The following ZDHHC13 variants were observed in gnomAD, a reference collection of about 807,000 sequenced individuals.
ZDHHC13 encodes palmitoyltransferase ZDHHC13.
In ZDHHC13, 85 loss-of-function variants were observed where a neutral mutation model predicts 86.0. That is an observed-to-expected ratio of 0.99 (90% confidence interval 0.83 to 1.18). The LOEUF (loss-of-function observed/expected upper bound fraction) is 1.18. Among genes scored for constraint, ZDHHC13 ranks in the 50% most tolerant of loss-of-function variants. The pLI is 0.00. For missense variants in ZDHHC13, 711 were observed against 730.2 expected (o/e 0.97, Z 0.30); for synonymous variants, 263 against 246.4 (o/e 1.07, Z -0.63).
chr11:19,131,466 CTT>C (rs1035910291), intron 1 of ZDHHC13, among the ~76,000 whole-genome samples: 2 of 152,018 alleles, frequency 1.3e-5, no homozygotes, highest in African/African-American at 4.8e-5. Context: ...TTAAAAAAAA[CTT>C]TTTTCCTTGT....
chr11:19,175,782 A>G, intron 16 of ZDHHC13, 40 bp from the exon 17 acceptor site: 1 of 1,601,470 alleles, frequency 6.2e-7, no homozygotes, highest in Non-Finnish European at 8.5e-7. Flanking sequence ...CTACACAGGA[A>G]ATATAGTAAG....
intron 8 of ZDHHC13, 48 bp from the exon 9 acceptor site, chr11:19,155,748 T>A: frequency 6.3e-7 from 1 of 1,592,488 alleles, no homozygotes. Context: ...TATTAGATAC[T>A]TAAGAGGTAA....
At chr11:19,135,478 G>C (rs1849111814) in intron 1 of ZDHHC13, among the ~76,000 whole-genome samples, 1 of 152,234 alleles carries the variant, frequency 6.6e-6, no homozygotes, top group South Asian at 2.1e-4. Flanking sequence ...AAACTGCAAG[G>C]CGGCAGCGAG....
intron 1 of ZDHHC13, among the ~76,000 whole-genome samples, chr11:19,135,115 G>A (rs1223815226): frequency 2.6e-5 from 4 of 152,350 alleles, no homozygotes; most frequent in East Asian, 3.9e-4. Flanking sequence ...CTCCCAGCGC[G>A]AGCGACGCAG....
In ZDHHC13 at chr11:19,119,547, T is replaced by C. The variant is rs531207993; in HGVS notation, c.27+2271T>C. On this transcript the variant is annotated intron_variant, in intron 1 of 16. Coordinates refer to ENST00000446113, the MANE Select transcript of ZDHHC13 (RefSeq NM_019028.3). ...CACCTCTTTAAAGTCTTGACACAAA[T>C]GTCACCTCTGTGTGGCATTCTGTGA... 3.3e-5 allele frequency among the ~76,000 whole-genome samples: 5 copies of C among 152,350 alleles called. No homozygotes were observed. The East Asian group carries it at 9.6e-4, about 29-fold the overall frequency.
chr11:19,142,971 T>A lies in ZDHHC13; in HGVS notation c.28-7T>A, dbSNP rs1849362502. The stretch of plus-strand genomic sequence containing the variant: ...TCATGCTTTGTCAAATGACTCTTAC[T>A]CTTCAGTGCAGGAATCACAGCCATG... On this transcript the variant is annotated splice_region_variant and splice_polypyrimidine_tract_variant and intron_variant, in intron 1 of 16. Coordinates refer to ENST00000446113, the MANE Select transcript of ZDHHC13 (RefSeq NM_019028.3). 1 of 1,599,716 alleles carries A rather than the reference T, an allele frequency of 6.3e-7. No homozygotes were observed. Among genetic ancestry groups the A allele is most frequent in the Non-Finnish European group, 8.5e-7 (1 of 1,172,188 alleles).
Position 19,172,748 on chromosome 11 carries a change from ATGAGAGAATCAGC to A in ZDHHC13, c.1659_1671del (p.Glu554CysfsTer8). Reference sequence around the variant, plus strand: ...ATTGCCTTTCTGGGCCTGACCTCCCATGAGAGAATCAGCCTGCAGAAGCAGAGCAAGCATATGA... The same window carrying A: ...ATTGCCTTTCTGGGCCTGACCTCCCACTGCAGAAGCAGAGCAAGCATATGA... On this transcript the variant is annotated frameshift_variant, in exon 16 of 17. Transcript: ENST00000446113. LOFTEE classifies it high-confidence loss of function. The A allele has an allele frequency of 1.2e-6, 2 of 1,604,440 alleles. No homozygotes were observed. The highest frequency in any genetic ancestry group is 2.3e-5 in the South Asian group (2 of 88,776).
At position 19,149,402 on chromosome 11, in the gene ZDHHC13, G is replaced by C. The variant is rs960844417; in HGVS notation, c.519+71G>C. 1.5e-5 allele frequency: 21 copies of C among 1,355,610 alleles called. No individual in the cohort carries two copies. In the African/African-American group the frequency reaches 2.8e-4, roughly 18 times the overall value. 84.0% of individuals were successfully genotyped at this position (1,355,610 alleles called of 1,614,324 possible). On this transcript the variant is annotated intron_variant, in intron 5 of 16. Coordinates refer to ENST00000446113, the MANE Select transcript of ZDHHC13 (RefSeq NM_019028.3). Reference sequence around the variant, plus strand: ...GAGGTTGGGGAAATTATTAGTAGTAGTCTCTTCTCATTTTTAAAGTGGAGG... The same window carrying C: ...GAGGTTGGGGAAATTATTAGTAGTACTCTCTTCTCATTTTTAAAGTGGAGG...
chr11:19,165,369 A>T (rs563977360), intron 13 of ZDHHC13, among the ~76,000 whole-genome samples: 2 of 152,300 alleles, frequency 1.3e-5, no homozygotes, highest in Admixed American at 6.5e-5. Context: ...AAAAAATATT[A>T]TCTCCATATT....
At chr11:19,170,927 CTT>C (rs1318028582) in intron 15 of ZDHHC13, among the ~76,000 whole-genome samples, 3 of 152,138 alleles carry the variant, frequency 2.0e-5, no homozygotes, top group Non-Finnish European at 4.4e-5. Flanking sequence ...GAACTGGAAA[CTT>C]AGGTCTTCTG....
intron 1 of ZDHHC13, among the ~76,000 whole-genome samples, chr11:19,138,526 C>T (rs1199802747): frequency 1.3e-5 from 2 of 152,042 alleles, no homozygotes; most frequent in African/African-American, 2.4e-5. Context: ...CTATTCCAGT[C>T]AATAGAAAAA....
rs749424212 is a variant in ZDHHC13, at chr11:19,155,915, A to T, written c.993A>T (p.Thr331=). 1.1e-5 allele frequency: 17 copies of T among 1,607,066 alleles called. No individual in the cohort carries two copies. In the South Asian group the frequency reaches 1.9e-4, roughly 18 times the overall value. The part of the protein sequence containing the change: ...GCLLVTLFFL[T]SLFPRFLVGY... ...TTCTAGTAACACTGTTTTTTCTGAC[A>T]TCTTTGTTTCCAAGGTGTGTATGTT... The change falls in exon 9 of 17, where the codon ACA becomes ACT. Residue 331 remains threonine (T), a synonymous_variant. Coordinates refer to ENST00000446113, the MANE Select transcript of ZDHHC13 (RefSeq NM_019028.3).
At chr11:19,155,091 G>C (rs933644363) in intron 8 of ZDHHC13, among the ~76,000 whole-genome samples, 3 of 152,194 alleles carry the variant, frequency 2.0e-5, no homozygotes, top group African/African-American at 7.2e-5. Context: ...GCATGGTGCA[G>C]TGCCCAGGTT....
At chr11:19,172,305 T>C (rs1850244922) in intron 15 of ZDHHC13, among the ~76,000 whole-genome samples, 1 of 152,020 alleles carries the variant, frequency 6.6e-6, no homozygotes, top group Non-Finnish European at 1.5e-5. Context: ...ACTCCTGACC[T>C]CGTGATCCAC....
Position 19,175,770 on chromosome 11 carries a change from A to G in ZDHHC13, c.1731-52A>G, listed in dbSNP as rs148426003. On this transcript the variant is annotated intron_variant, in intron 16 of 16. Coordinates refer to ENST00000446113, the MANE Select transcript of ZDHHC13 (RefSeq NM_019028.3). ...ATAGATTCTCCATAAATGTTTGTCA[A>G]GCTACACAGGAAATATAGTAAGACA... is the stretch of plus-strand genomic sequence containing the variant. The G allele has an allele frequency of 1.1e-3, 1,744 of 1,590,738 alleles. 2 individuals carry two copies. Among genetic ancestry groups the G allele is most frequent in the Non-Finnish European group, 1.3e-3 (1,578 of 1,171,468 alleles).
At chr11:19,147,243 G>A (rs1028247128) in intron 3 of ZDHHC13, among the ~76,000 whole-genome samples, 1 of 152,056 alleles carries the variant, frequency 6.6e-6, no homozygotes, top group Admixed American at 6.5e-5. Flanking sequence ...TCTCCTTCCA[G>A]TCAAGTAAGA....
At chr11:19,164,461 A>G (rs1266036506) in intron 12 of ZDHHC13, 98 bp downstream of exon 12, 1 of 1,178,746 alleles carries the variant, frequency 8.5e-7, no homozygotes, top group Non-Finnish European at 1.2e-6. Flanking sequence ...ATATTTATAC[A>G]CCTTTGTTTT....
chr11:19,142,706 A>T (rs1849354732), intron 1 of ZDHHC13, among the ~76,000 whole-genome samples: 1 of 152,008 alleles, frequency 6.6e-6, no homozygotes. Flanking sequence ...CAGAATTAAG[A>T]TAAAGAAAAT....
rs766812093 is a variant in ZDHHC13 at position 19,155,856 on chromosome 11, T to C, written c.934T>C (p.Phe312Leu). ...TMWAIGYILD[F>L]NSDSWLLKGC... ...GTGGGCTATTGGATACATATTGGAC[T>C]TCAATTCAGATTCTTGGCTTTTAAA... The change falls in exon 9 of 17, where the codon TTC (phenylalanine) becomes CTC (leucine). Residue 312 changes from phenylalanine to leucine, a missense_variant. Physicochemically the swap from Phe to Leu is conservative, Grantham distance 22. Transcript: ENST00000446113. 1.2e-6 allele frequency: 2 copies of C among 1,612,952 alleles called. No homozygotes were observed. Among genetic ancestry groups the C allele is most frequent in the African/African-American group, 1.3e-5 (1 of 74,896 alleles).
Sources: allele counts gnomAD v4.1 joint callset (sites outside exome capture counted in the v4.1 genomes callset), GRCh38; gene constraint gnomAD v4.1.1; transcripts MANE v1.5; gene names NCBI Gene and HGNC (gene_info 2026-07-23, HGNC 2026-07-21).